The following FOXP1 variants were observed in gnomAD, a reference collection of about 807,000 sequenced individuals.
The protein encoded by FOXP1 is forkhead box protein P1.
In FOXP1, 15 loss-of-function variants were observed where a neutral mutation model predicts 98.2. The ratio of observed to expected loss-of-function variants is 0.15; its 90% CI spans 0.10 to 0.24. FOXP1 has a LOEUF of 0.24. FOXP1 is among the 10% of genes least tolerant of loss of function. The pLI, the probability that FOXP1 is intolerant of heterozygous loss-of-function variation, is 1.00. For synonymous variants in FOXP1, 371 were observed against 314.5 expected (o/e 1.18, Z -1.90); for missense variants, 633 against 848.5 (o/e 0.75, Z 3.15).
At chr3:71,133,432 A>G (rs755062010) in intron 6 of FOXP1, among the ~76,000 whole-genome samples, 1 of 152,168 alleles carries the variant, frequency 6.6e-6, no homozygotes, top group Non-Finnish European at 1.5e-5. Flanking sequence ...TCCCTTTCAG[A>G]CTTCTCCTGG....
intron 5 of FOXP1, among the ~76,000 whole-genome samples, chr3:71,272,015 A>C (rs1385239854): frequency 6.6e-6 from 1 of 152,216 alleles, no homozygotes; most frequent in Non-Finnish European, 1.5e-5. Context: ...CTCACTGGGG[A>C]CATAATCAAT....
intron 5 of FOXP1, among the ~76,000 whole-genome samples, chr3:71,280,864 A>G (rs930602507): frequency 6.6e-6 from 1 of 151,796 alleles, no homozygotes; most frequent in African/African-American, 2.4e-5. Flanking sequence ...GTTTGTTATG[A>G]TAAGAGTTAT....
chr3:71,497,027 T>C (rs1395657443), intron 2 of FOXP1, among the ~76,000 whole-genome samples: 1 of 151,096 alleles, frequency 6.6e-6, no homozygotes, highest in African/African-American at 2.4e-5. Flanking sequence ...TCCATCTTCA[T>C]GGAACCCCAT....
At chr3:71,421,486 T>C (rs539489025) in intron 3 of FOXP1, among the ~76,000 whole-genome samples, 19 of 152,328 alleles carry the variant, frequency 1.2e-4, no homozygotes, top group African/African-American at 4.3e-4. Flanking sequence ...CTAAATAATC[T>C]TGAATTTATA....
chr3:71,353,932 T>C (rs1404832920), intron 4 of FOXP1, among the ~76,000 whole-genome samples: 2 of 152,286 alleles, frequency 1.3e-5, no homozygotes, highest in East Asian at 1.9e-4. Flanking sequence ...TTTCAGACTA[T>C]ACAGACTTTG....
At chr3:71,279,120 G>A (rs1163382092) in intron 5 of FOXP1, among the ~76,000 whole-genome samples, 3 of 146,332 alleles carry the variant, frequency 2.1e-5, no homozygotes, top group South Asian at 2.2e-4. Flanking sequence ...TTGAAACTGG[G>A]AGGATCACGC....
chr3:71,392,187 C>A (rs2081087246), intron 3 of FOXP1, among the ~76,000 whole-genome samples: 1 of 152,296 alleles, frequency 6.6e-6, no homozygotes, highest in South Asian at 2.1e-4. Flanking sequence ...TAAAACTCAA[C>A]TAGATGCAAT....
At chr3:71,397,904 T>C (rs2081653443) in intron 3 of FOXP1, among the ~76,000 whole-genome samples, 1 of 151,772 alleles carries the variant, frequency 6.6e-6, no homozygotes, top group Non-Finnish European at 1.5e-5. Flanking sequence ...TTTACAGGGA[T>C]GCAAGGGAAG....
chr3:71,033,616 A>C (rs984366583), intron 11 of FOXP1, among the ~76,000 whole-genome samples: 7 of 151,064 alleles, frequency 4.6e-5, no homozygotes, highest in South Asian at 2.1e-4. Context: ...AAAAAAAAAA[A>C]AAAAAAAAAA....
intron 7 of FOXP1, among the ~76,000 whole-genome samples, chr3:71,102,472 T>C (rs1449013388): frequency 2.0e-5 from 3 of 152,338 alleles, no homozygotes; most frequent in African/African-American, 7.2e-5. Context: ...AGCTCACAAC[T>C]ACCGTAATTA....
At chr3:71,379,225 C>A (rs1306147925) in intron 3 of FOXP1, among the ~76,000 whole-genome samples, 3 of 152,034 alleles carry the variant, frequency 2.0e-5, no homozygotes, top group Admixed American at 6.6e-5. Context: ...GTAGAACAAG[C>A]AGACAATGGC....
chr3:71,500,828 A>G (rs1211758737), intron 2 of FOXP1, among the ~76,000 whole-genome samples: 1 of 152,152 alleles, frequency 6.6e-6, no homozygotes, highest in Non-Finnish European at 1.5e-5. Context: ...GATCCATGGA[A>G]ACCTTTCTAT....
intron 2 of FOXP1, among the ~76,000 whole-genome samples, chr3:71,579,908 T>C (rs1173821153): frequency 6.6e-6 from 1 of 152,112 alleles, no homozygotes; most frequent in African/African-American, 2.4e-5. Flanking sequence ...CGACTCGGCA[T>C]CCATAAGGAA....
chr3:71,017,570 T>C (rs1202489930), intron 11 of FOXP1, among the ~76,000 whole-genome samples: 13 of 151,914 alleles, frequency 8.6e-5, no homozygotes, highest in South Asian at 6.2e-4. Flanking sequence ...ATTTATATCA[T>C]TCTTTTATAT....
At chr3:71,249,524 C>T (rs1309825673) in intron 5 of FOXP1, among the ~76,000 whole-genome samples, 1 of 152,180 alleles carries the variant, frequency 6.6e-6, no homozygotes, top group African/African-American at 2.4e-5. Context: ...AAATAATCTG[C>T]TCTTGGCCAC....
At chr3:71,326,057 T>C (rs2057810323) in intron 4 of FOXP1, among the ~76,000 whole-genome samples, 1 of 151,954 alleles carries the variant, frequency 6.6e-6, no homozygotes, top group South Asian at 2.1e-4. Context: ...TTACTCTCTT[T>C]CTTGCTTTCA....
intron 3 of FOXP1, among the ~76,000 whole-genome samples, chr3:71,431,554 G>A (rs1377097350): frequency 1.3e-5 from 2 of 152,096 alleles, no homozygotes; most frequent in Non-Finnish European, 1.5e-5. Flanking sequence ...TTCCAGGGTC[G>A]CGAACCAAGT....
rs56318177 is a variant in FOXP1 at position 71,085,735 on chromosome 3, C to CTTTTTTTTTTTTTTTTTTT, written c.282+26800_282+26801insAAAAAAAAAAAAAAAAAAA. On this transcript the variant is annotated intron_variant, in intron 7 of 20. Coordinates refer to ENST00000649528, the MANE Select transcript of FOXP1 (RefSeq NM_001349338.3). ...TTGTATGGTGGGTATCATTTATGGC[C>CTTTTTTTTTTTTTTTTTTT]TTTTTTTTTTTTTTACATGGAGTCT... 2.1e-3 allele frequency among the ~76,000 whole-genome samples: 79 copies of CTTTTTTTTTTTTTTTTTTT among 37,032 alleles called. 35 individuals are homozygous for CTTTTTTTTTTTTTTTTTTT. Among genetic ancestry groups the CTTTTTTTTTTTTTTTTTTT allele is most frequent in the African/African-American group, 5.4e-3 (55 of 10,120 alleles). 24.3% of individuals were successfully genotyped at this position (37,032 alleles called of 152,430 possible).
intron 17 of FOXP1, among the ~76,000 whole-genome samples, chr3:70,975,914 C>A (rs1167293087): frequency 6.6e-6 from 1 of 152,178 alleles, no homozygotes; most frequent in East Asian, 1.9e-4. Flanking sequence ...CCATATATGA[C>A]CCCAAGCACT....
Sources: gnomAD v4.1 joint callset for allele counts (sites outside exome capture counted in the v4.1 genomes callset) on GRCh38, gnomAD v4.1.1 for gene constraint, MANE v1.5 for transcripts, NCBI Gene and HGNC (gene_info 2026-07-23, HGNC 2026-07-21) for gene names.